Variants in MCM7 observed in about 807,000 individuals in gnomAD.
The protein encoded by MCM7 is DNA replication licensing factor MCM7.
Under a neutral mutation model 83.5 loss-of-function variants are expected in MCM7, and 95 were observed. That is an observed-to-expected ratio of 1.14 (90% CI 0.96 to 1.35). The LOEUF (loss-of-function observed/expected upper bound fraction) is 1.35, where lower values mean the gene tolerates loss of function less well. Ranked by LOEUF, MCM7 falls within the 40% of genes most tolerant of loss-of-function variation. The pLI is 0.00. For missense variants in MCM7, 1,087 were observed against 957.4 expected, an observed-to-expected ratio of 1.14 and a Z score of -1.79; for synonymous variants, 461 against 352.7, an observed-to-expected ratio of 1.31 and a Z score of -3.44.
chr7:100,095,357 C>T (rs778350275), intron 12 of MCM7, 30 bp downstream of exon 12: 10 of 1,597,462 alleles, frequency 6.3e-6, no homozygotes, highest in East Asian at 2.3e-5. Context: ...CCCACGCCAA[C>T]GTTTGCCCAC....
intron 1 of MCM7, chr7:100,100,339 T>C (rs1334632335): frequency 8.6e-7 from 1 of 1,166,690 alleles, no homozygotes. Context: ...GTCCCTACTT[T>C]AGTTTAAAAT....
intron 2 of MCM7, 35 bp downstream of exon 2, chr7:100,099,979 C>G (rs370650504): frequency 1.1e-5 from 17 of 1,584,240 alleles, no homozygotes; most frequent in Non-Finnish European, 1.4e-5. Flanking sequence ...TTAAGCACCC[C>G]GCTCCCCATT....
rs1287799594 is a variant in MCM7 at position 100,098,562 on chromosome 7, C to T, written c.720+16G>A. ...CTCCCGATCCACCTGCCCAGGGCCA[C>T]GTACCCCAAACTCACATGTTCTTGC... On this transcript the variant is annotated intron_variant, in intron 6 of 14. Coordinates refer to ENST00000303887, the MANE Select transcript of MCM7 (RefSeq NM_005916.5). 2.5e-6 allele frequency: 4 copies of T among 1,614,024 alleles called. No homozygotes were observed. Among genetic ancestry groups the T allele is most frequent in the East Asian group, 4.5e-5 (2 of 44,874 alleles).
At position 100,098,156 on chromosome 7, in the gene MCM7, G is replaced by A. The variant is rs1441242038; in HGVS notation, c.855C>T (p.Phe285=). The change falls in exon 7 of 15, where the codon TTC becomes TTT. Residue 285 remains phenylalanine, a synonymous_variant. Transcript: ENST00000303887. The stretch of plus-strand genomic sequence containing the variant: ...TCTTCCTTACCTGTACCACCTGTCG[G>A]AACCCAGTGCGCAGGATTGGCAAGA... ...GIFLPILRTG[F]RQVVQGLLSE... is the part of the protein sequence containing the mutation. 5 of 1,613,962 alleles carry A rather than the reference G, an allele frequency of 3.1e-6. No individual in the cohort carries two copies. Among genetic ancestry groups the A allele is most frequent in the South Asian group, 1.1e-5 (1 of 91,070 alleles).
At chr7:100,100,946 C>G in intron 1 of MCM7, 1 of 1,057,756 alleles carries the variant, frequency 9.5e-7, no homozygotes. Flanking sequence ...GCCCAGAGCC[C>G]TTAAGACTCT....
At position 100,098,256 on chromosome 7, in the gene MCM7, C is replaced by T. The variant is rs572791096; in HGVS notation, c.755G>A (p.Ser252Asn). 6.8e-6 allele frequency: 11 copies of T among 1,614,160 alleles called. No individual in the cohort carries two copies. The Admixed American group carries it at 1.7e-4, about 24-fold the overall frequency. ...CTCTCCTTCTACCAGCACCGTGATA[C>T]TACGAGGGATATTTCCCACAGGCAC... ...DQVPVGNIPRSITVLVEGENT... is the reference protein window; with the variant it reads ...DQVPVGNIPRNITVLVEGENT... Residue 252 changes from serine (S) to asparagine (N), a missense_variant, in exon 7 of 15, where the codon AGT (serine) becomes AAT (asparagine). Transcript: ENST00000303887.
At chr7:100,093,720 G>A (rs1236548227) in intron 13 of MCM7, 1 of 650,126 alleles carries the variant, frequency 1.5e-6, no homozygotes, top group Non-Finnish European at 3.0e-6. Flanking sequence ...ATGACAGATG[G>A]AGCTTGGGGA....
At position 100,099,681 on chromosome 7, in the gene MCM7, A is replaced by T; in HGVS notation, c.184T>A (p.Leu62Met). ...LDDVAEDDPE[L>M]VDSICENARR... Reference sequence around the variant, plus strand: ...GCATTCTCACAAATTGAGTCCACCAACTCGGGGTCATCCTCGGCTACGTCG... The same window carrying T: ...GCATTCTCACAAATTGAGTCCACCATCTCGGGGTCATCCTCGGCTACGTCG... Residue 62 changes from leucine (L) to methionine (M), a missense_variant, in exon 3 of 15, where the codon TTG becomes ATG. Coordinates refer to ENST00000303887, the MANE Select transcript of MCM7 (RefSeq NM_005916.5). 1 of 1,614,060 alleles carries T rather than the reference A, an allele frequency of 6.2e-7. No homozygotes were observed. The highest frequency in any genetic ancestry group is 8.5e-7 in the Non-Finnish European group (1 of 1,180,018).
Position 100,097,357 on chromosome 7 carries a change from T to A in MCM7, c.1145A>T (p.Asp382Val). 6.2e-7 allele frequency: 1 copy of A among 1,614,014 alleles called. No homozygotes were observed. Among genetic ancestry groups the A allele is most frequent in the Non-Finnish European group, 8.5e-7 (1 of 1,179,992 alleles). The change falls in exon 10 of 15, where the codon GAT becomes GTT. Residue 382 changes from aspartate (D) to valine (V), a missense_variant. Transcript: ENST00000303887. ...GAGCTGAGACTTGGCCACACCAGGA[T>A]CCCCCATCAGACAGATGTTGATGTT... The part of the protein sequence containing the change: ...RGNINICLMG[D>V]PGVAKSQLLS...
At position 100,099,418 on chromosome 7, in the gene MCM7, C is replaced by CAAAAGAAAAAAAAAA. The variant is rs1795818994; in HGVS notation, c.277-16_277-15insTTTTTTTTTTCTTTT. The CAAAAGAAAAAAAAAA allele has an allele frequency of 9.9e-7, 1 of 1,007,240 alleles. No homozygotes were observed. The highest frequency in any genetic ancestry group is 1.3e-6 in the Non-Finnish European group (1 of 779,358). 62.4% of individuals were successfully genotyped at this position (1,007,240 alleles called of 1,614,324 possible). A position where few individuals can be genotyped will look rare whatever the true frequency, so the allele number is the denominator to read the frequency against. On this transcript the variant is annotated splice_polypyrimidine_tract_variant and intron_variant, in intron 3 of 14. Coordinates refer to ENST00000303887, the MANE Select transcript of MCM7 (RefSeq NM_005916.5). ...TTATTTACCACCTAAAGGAGAAGAA[C>CAAAAGAAAAAAAAAA]AAAAAAAAAAAAAAAAAAGAGCAAC... is the stretch of plus-strand genomic sequence containing the variant.
In MCM7 at chr7:100,094,265, C is replaced by A. The variant is rs772794463; in HGVS notation, c.1756G>T (p.Val586Leu). 1 of 1,614,170 alleles carries A rather than the reference C, an allele frequency of 6.2e-7. No individual in the cohort carries two copies. Among genetic ancestry groups the A allele is most frequent in the Non-Finnish European group, 8.5e-7 (1 of 1,180,036 alleles). Reference sequence around the variant, plus strand: ...GCCCAAGCCTCTCGCCTCATCTCCACGTATGCTGCTGTGATGTAGTCAGCC... The same window carrying A: ...GCCCAAGCCTCTCGCCTCATCTCCAAGTATGCTGCTGTGATGTAGTCAGCC... Reference protein sequence around the residue: ...SLADYITAAYVEMRREAWASK... With the variant: ...SLADYITAAYLEMRREAWASK... Residue 586 changes from valine (V) to leucine (L), a missense_variant, in exon 13 of 15, where the codon GTG (valine) becomes TTG (leucine). Transcript: ENST00000303887.
Position 100,094,320 on chromosome 7 carries a change from G to C in MCM7, c.1701C>G (p.Arg567=). Residue 567 remains arginine, a synonymous_variant, in exon 13 of 15, where the codon CGC becomes CGG. Transcript: ENST00000303887. ...ACTCTGGCACCATGGGCTGCTTCTC[G>C]CGGCACATGGCTATGTAACGCCTGT... ...KLMRRYIAMC[R]EKQPMVPESL... 9 of 1,614,106 alleles carry C rather than the reference G, an allele frequency of 5.6e-6. No individual in the cohort carries two copies. Among genetic ancestry groups the C allele is most frequent in the South Asian group, 1.1e-5 (1 of 91,078 alleles).
rs1209208485 is a variant in MCM7, at chr7:100,100,106, A to C, written c.32-13T>G. 1.2e-6 allele frequency: 2 copies of C among 1,613,494 alleles called. No homozygotes were observed. The highest frequency in any genetic ancestry group is 2.7e-5 in the African/African-American group (2 of 74,926). The stretch of plus-strand genomic sequence containing the variant: ...TTCTTAACCTTTTCTGTAACATGAA[A>C]TGTAAAACCGTAAGACACAAACTTT... On this transcript the variant is annotated splice_polypyrimidine_tract_variant and intron_variant, in intron 1 of 14. Transcript: ENST00000303887.
rs767308162 is a variant in MCM7, at chr7:100,099,011, C to G, written c.582+12G>C. On this transcript the variant is annotated intron_variant, in intron 5 of 14. Transcript: ENST00000303887. ...TGGGTAAGTGCTTTCCTGCTTCTTG[C>G]TCCACACGTACCGGCTGGTAGGTCT... 6.2e-7 allele frequency: 1 copy of G among 1,613,692 alleles called. No homozygotes were observed. The highest frequency in any genetic ancestry group is 1.7e-5 in the Admixed American group (1 of 59,990).
chr7:100,093,111 T>C lies in MCM7; in HGVS notation c.1981A>G (p.Ile661Val), dbSNP rs769925624. ...TARTQRPADV[I>V]FATVRELVSG... ...ACCAGTTCACGGACGGTGGCAAATATCACATCTGCTGGTCTCTGAGTCCTG... is the reference window on the plus strand; with the variant it reads ...ACCAGTTCACGGACGGTGGCAAATACCACATCTGCTGGTCTCTGAGTCCTG... The change falls in exon 15 of 15, where the codon ATA becomes GTA. Residue 661 changes from isoleucine (I) to valine (V), a missense_variant. Physicochemically the swap from Ile to Val is conservative, Grantham distance 29 (BLOSUM62 3). Coordinates refer to ENST00000303887, the MANE Select transcript of MCM7 (RefSeq NM_005916.5). The C allele has an allele frequency of 5.0e-6, 8 of 1,613,890 alleles. No homozygotes were observed. Among genetic ancestry groups the C allele is most frequent in the Non-Finnish European group, 6.8e-6 (8 of 1,179,924 alleles).
Position 100,100,089 on chromosome 7 carries a change from C to G in MCM7, c.36G>C (p.Lys12Asn). 1 of 1,613,916 alleles carries G rather than the reference C, an allele frequency of 6.2e-7. No homozygotes were observed. The highest frequency in any genetic ancestry group is 8.5e-7 in the Non-Finnish European group (1 of 1,179,924). Reference sequence around the variant, plus strand: ...AGAACTCTTGTAAGAACTTCTTAACCTTTTCTGTAACATGAAATGTAAAAC... The same window carrying G: ...AGAACTCTTGTAAGAACTTCTTAACGTTTTCTGTAACATGAAATGTAAAAC... ...ALKDYALEKE[K>N]VKKFLQEFYQ... Residue 12 changes from lysine (K) to asparagine (N), a missense_variant, in exon 2 of 15, where the codon AAG becomes AAC. Transcript: ENST00000303887.
Position 100,099,724 on chromosome 7 carries a change from AG to A in MCM7, c.140del (p.Ala47ValfsTer9), listed in dbSNP as rs761561469. On this transcript the variant is annotated frameshift_variant, in exon 3 of 15. Coordinates refer to ENST00000303887, the MANE Select transcript of MCM7 (RefSeq NM_005916.5). LOFTEE classifies it high-confidence loss of function. The stretch of plus-strand genomic sequence containing the variant: ...CTACGTCGTCCAGGTCCACATACAG[AG>A]CCACCTGTTCCCGATGAGCCAGCCG... The part of the protein sequence containing the change: ...LVRLAHREQV[A>X]LYVDLDDVAE... 6 of 1,614,150 alleles carry A rather than the reference AG, an allele frequency of 3.7e-6. No homozygotes were observed. Among genetic ancestry groups the A allele is most frequent in the Non-Finnish European group, 5.1e-6 (6 of 1,180,032 alleles).
Position 100,092,829 on chromosome 7 carries a change from G to A in MCM7, c.*103C>T. The A allele has an allele frequency of 8.2e-7, 1 of 1,214,512 alleles. No homozygotes were observed. Among genetic ancestry groups the A allele is most frequent in the Admixed American group, 1.9e-5 (1 of 52,726 alleles). The allele number at this position is 1,214,512 out of a possible 1,614,324, so 75.2% of individuals were successfully genotyped here. ...AGCAAAAGGAGTAAGTGCAGCATGG[G>A]AGAAAGAGGGGCTCCTCCTTCCCCT... On this transcript the variant is annotated 3_prime_UTR_variant, in exon 15 of 15. Transcript: ENST00000303887.
chr7:100,100,245 TC>T, intron 1 of MCM7, 152 bp from the exon 2 acceptor site: 1 of 1,417,668 alleles, frequency 7.1e-7, no homozygotes, highest in Non-Finnish European at 9.2e-7. Flanking sequence ...TAACTCTTTT[TC>T]ACAAGTCTGT....
Sources: allele counts gnomAD v4.1 joint callset, GRCh38; gene constraint gnomAD v4.1.1; transcripts MANE v1.5; gene names NCBI Gene and HGNC (gene_info 2026-07-23, HGNC 2026-07-21).